Variants in GABRG3 observed in about 807,000 individuals in gnomAD.
GABRG3 encodes the protein gamma-aminobutyric acid receptor subunit gamma-3.
Under a neutral mutation model 48.8 loss-of-function variants are expected in GABRG3, and 25 were observed. The ratio of observed to expected loss-of-function variants is 0.51; its 90% CI spans 0.37 to 0.72. The LOEUF (loss-of-function observed/expected upper bound fraction) is 0.72, where lower values mean the gene tolerates loss of function less well. Among genes scored for constraint, GABRG3 ranks in the 30% least tolerant of loss-of-function variants. The probability of loss-of-function intolerance (pLI) is 0.00; values close to 1 mark genes in which losing one functional copy is unlikely to be tolerated. For missense variants in GABRG3, 394 were observed against 577.9 expected (o/e 0.68, Z 3.26); for synonymous variants, 227 against 217.6 (o/e 1.04, Z -0.38).
rs1887885189 is a variant in GABRG3, at chr15:27,180,233, G to C, written c.271-146576G>C. On this transcript the variant is annotated intron_variant, in intron 3 of 9. Transcript: ENST00000615808. This position sits in a 1 kb window ranked among gnomAD's most constrained non-coding sequence, Gnocchi z 4.2. ...AGGACCTTAGCACGGTCTAAATAAA[G>C]TTTGTAAACCACTGATGTAGAAGAG... 6.6e-6 allele frequency among the ~76,000 whole-genome samples: 1 copy of C among 152,104 alleles called. No individual in the cohort carries two copies. Among genetic ancestry groups the C allele is most frequent in the African/African-American group, 2.4e-5 (1 of 41,390 alleles).
At chr15:27,184,006 A>G (rs1275857020) in intron 3 of GABRG3, among the ~76,000 whole-genome samples, 1 of 152,204 alleles carries the variant, frequency 6.6e-6, no homozygotes, top group Non-Finnish European at 1.5e-5. Context: ...AAAAACAAAC[A>G]GGAGTTTATT....
chr15:27,376,128 G>A (rs1227169724), intron 5 of GABRG3, among the ~76,000 whole-genome samples: 2 of 152,218 alleles, frequency 1.3e-5, no homozygotes, highest in African/African-American at 4.8e-5. Context: ...AAAACCCAGT[G>A]GGGCAGTCAA....
In GABRG3 at chr15:27,200,935, C is replaced by A. The variant is rs559836409; in HGVS notation, c.271-125874C>A. 3.3e-5 allele frequency among the ~76,000 whole-genome samples: 5 copies of A among 152,212 alleles called. No individual in the cohort carries two copies. The East Asian group carries it at 5.8e-4, about 18-fold the overall frequency. Reference sequence around the variant, plus strand: ...CTTTGAGCTGTCTTCAGCTTTTTAGCTCATCCATACTTCATGAGACACAAA... The same window carrying A: ...CTTTGAGCTGTCTTCAGCTTTTTAGATCATCCATACTTCATGAGACACAAA... On this transcript the variant is annotated intron_variant, in intron 3 of 9. Coordinates refer to ENST00000615808, the MANE Select transcript of GABRG3 (RefSeq NM_033223.5).
intron 5 of GABRG3, among the ~76,000 whole-genome samples, chr15:27,376,197 A>G: frequency 6.6e-6 from 1 of 152,220 alleles, no homozygotes; most frequent in Non-Finnish European, 1.5e-5. Context: ...GGTCACACTC[A>G]TGCAAGAGGT....
At chr15:27,397,953 C>T (rs551336391) in intron 5 of GABRG3, among the ~76,000 whole-genome samples, 8 of 151,868 alleles carry the variant, frequency 5.3e-5, no homozygotes, top group South Asian at 2.1e-4. Context: ...TACAGGCGCC[C>T]GCCACCACGC....
intron 6 of GABRG3, among the ~76,000 whole-genome samples, chr15:27,504,411 A>C (rs1204494106): frequency 6.6e-6 from 1 of 152,136 alleles, no homozygotes; most frequent in African/African-American, 2.4e-5. Context: ...TTTAGAGCTT[A>C]TTGTATACAT....
intron 5 of GABRG3, among the ~76,000 whole-genome samples, chr15:27,472,331 A>G (rs1164825574): frequency 6.6e-6 from 1 of 151,986 alleles, no homozygotes; most frequent in Non-Finnish European, 1.5e-5. Context: ...GCTGGAGTGC[A>G]GTGGTGCAAT....
intron 3 of GABRG3, among the ~76,000 whole-genome samples, chr15:27,254,383 G>A (rs1426932994): frequency 6.6e-6 from 1 of 152,076 alleles, no homozygotes; most frequent in East Asian, 1.9e-4. Flanking sequence ...TTCTGAGTAC[G>A]CTACTGTGTT....
intron 6 of GABRG3, among the ~76,000 whole-genome samples, chr15:27,501,964 C>A (rs11074286): frequency 0.63 from 96,069 of 151,916 alleles, 30,721 homozygotes; most frequent in Middle Eastern, 0.7. Flanking sequence ...AGCATTCTCA[C>A]ACATTGGCTA....
chr15:27,277,512 A>G (rs1431825125), intron 3 of GABRG3, among the ~76,000 whole-genome samples: 4 of 152,202 alleles, frequency 2.6e-5, no homozygotes, highest in Admixed American at 2.6e-4. Context: ...ACTGGAGGAG[A>G]TTGATAGCCA....
At chr15:27,512,911 A>C (rs1020448622) in intron 6 of GABRG3, among the ~76,000 whole-genome samples, 11 of 152,240 alleles carry the variant, frequency 7.2e-5, no homozygotes, top group African/African-American at 2.7e-4. Flanking sequence ...ACCCATGCAG[A>C]GATTCCAAAG....
chr15:27,527,849 T>C, intron 8 of GABRG3, 84 bp from the exon 9 acceptor site: 2 of 1,184,530 alleles, frequency 1.7e-6, no homozygotes, highest in Non-Finnish European at 2.4e-6. Flanking sequence ...GGTTTAGTCA[T>C]ACCCTAAAGA....
intron 3 of GABRG3, among the ~76,000 whole-genome samples, chr15:27,269,159 C>T (rs1891006815): frequency 6.6e-6 from 1 of 152,226 alleles, no homozygotes; most frequent in African/African-American, 2.4e-5. Context: ...CGCCTCTCCA[C>T]TGCCCCCTAA....
At chr15:27,192,243 C>T (rs1159607383) in intron 3 of GABRG3, among the ~76,000 whole-genome samples, 3 of 152,030 alleles carry the variant, frequency 2.0e-5, no homozygotes, top group Admixed American at 6.6e-5. Context: ...GTGGCGTTCT[C>T]TGTATTTCCT....
intron 5 of GABRG3, among the ~76,000 whole-genome samples, chr15:27,336,090 G>A (rs1480897216): frequency 6.6e-6 from 1 of 152,084 alleles, no homozygotes; most frequent in Non-Finnish European, 1.5e-5. Flanking sequence ...TTGGAAGGCT[G>A]AGGCAGGATA....
At chr15:27,191,135 CT>C (rs2140422581) in intron 3 of GABRG3, among the ~76,000 whole-genome samples, 1 of 152,190 alleles carries the variant, frequency 6.6e-6, no homozygotes, top group South Asian at 2.1e-4. Context: ...CTGAGGAGAG[CT>C]TTACTTCCAA....
intron 3 of GABRG3, among the ~76,000 whole-genome samples, chr15:27,183,131 T>C (rs998290905): frequency 9.2e-5 from 14 of 152,130 alleles, no homozygotes; most frequent in Non-Finnish European, 1.6e-4. Flanking sequence ...AATTTTTTTT[T>C]CCCTATGAAC....
intron 6 of GABRG3, among the ~76,000 whole-genome samples, chr15:27,503,364 A>G (rs897786792): frequency 2.0e-5 from 3 of 152,200 alleles, no homozygotes; most frequent in African/African-American, 7.2e-5. Flanking sequence ...CGATCACCAC[A>G]TGGGCCTCTC....
intron 5 of GABRG3, among the ~76,000 whole-genome samples, chr15:27,421,435 T>G (rs1232195625): frequency 1.3e-5 from 2 of 152,258 alleles, no homozygotes; most frequent in Non-Finnish European, 2.9e-5. Context: ...TTCTAAGGCA[T>G]CCATGGAGTG....
Sources: allele counts gnomAD v4.1 joint callset (sites outside exome capture counted in the v4.1 genomes callset), GRCh38; gene constraint gnomAD v4.1.1; non-coding constraint Gnocchi (gnomAD v3.1); transcripts MANE v1.5; gene names NCBI Gene and HGNC (gene_info 2026-07-23, HGNC 2026-07-21).